The following SVOPL variants were observed in gnomAD, a reference collection of about 807,000 sequenced individuals.
SVOPL encodes the protein putative transporter SVOPL.
In SVOPL, 60 loss-of-function variants were observed where a neutral mutation model predicts 61.0. The observed-to-expected ratio is 0.98, with a 90% CI of 0.80 to 1.22. SVOPL has a LOEUF of 1.22. Ranked by LOEUF, SVOPL falls within the 50% of genes most tolerant of loss-of-function variation. The probability of loss-of-function intolerance (pLI) is 0.00; values close to 1 mark genes in which losing one functional copy is unlikely to be tolerated. For synonymous variants in SVOPL, 279 were observed against 250.0 expected (o/e 1.12, Z -1.09); for missense variants, 662 against 643.9 (o/e 1.03, Z -0.30).
At chr7:138,610,404 C>G (rs1798948836) in intron 14 of SVOPL, among the ~76,000 whole-genome samples, 2 of 151,510 alleles carry the variant, frequency 1.3e-5, no homozygotes, top group Non-Finnish European at 2.9e-5. Context: ...CATATTTATA[C>G]ACACACACAT....
At chr7:138,656,427 A>G (rs754068530) in intron 7 of SVOPL, 21 bp downstream of exon 7, 3 of 1,613,168 alleles carry the variant, frequency 1.9e-6, no homozygotes, top group South Asian at 1.1e-5. Context: ...AAAGGCAGGT[A>G]GAACTCCTAC....
At chr7:138,622,255 TATCTATCTATCTATGTATCTATC>T (rs1799691264) in intron 13 of SVOPL, among the ~76,000 whole-genome samples, 1 of 92,086 alleles carries the variant, frequency 1.1e-5, no homozygotes, top group African/African-American at 4.2e-5. Context: ...TCTATCTATG[TATCTATCTATCTATGTATCTATC>T]TATCTATCTA....
At chr7:138,659,387 G>A (rs188069385) in intron 6 of SVOPL, among the ~76,000 whole-genome samples, 14 of 152,164 alleles carry the variant, frequency 9.2e-5, no homozygotes, top group East Asian at 1.9e-4. Flanking sequence ...CAGCTACTTG[G>A]AGGCTGAGGC....
At chr7:138,602,715 C>T (rs1276362779) in intron 14 of SVOPL, among the ~76,000 whole-genome samples, 1 of 65,636 alleles carries the variant, frequency 1.5e-5, no homozygotes, top group Non-Finnish European at 2.7e-5. Flanking sequence ...CATAGGCACC[C>T]TCAACCCCAT....
rs996237519 is a variant in SVOPL at position 138,660,313 on chromosome 7, G to A, written c.346-325C>T. On this transcript the variant is annotated intron_variant, in intron 5 of 15. Coordinates refer to ENST00000674285, the MANE Select transcript of SVOPL (RefSeq NM_001139456.2). The stretch of plus-strand genomic sequence containing the variant: ...CTCACAGGGCTGCTGGGGACGTAAT[G>A]AGGCAGTATGTTGGGAGGAGTACAA... The A allele has an allele frequency of 6.6e-6, 7 of 1,061,814 alleles. No individual in the cohort carries two copies. In the African/African-American group the frequency reaches 6.7e-5, roughly 10 times the overall value. The allele number at this position is 1,061,814 out of a possible 1,614,324, so 65.8% of individuals were successfully genotyped here.
Position 138,659,900 on chromosome 7 carries a change from G to C in SVOPL, c.434C>G (p.Thr145Arg). 2.6e-6 allele frequency: 4 copies of C among 1,551,468 alleles called. No individual in the cohort carries two copies. The highest frequency in any genetic ancestry group is 3.5e-6 in the Non-Finnish European group (4 of 1,146,964). ...GCCGGACACACCACAGCCCACCATC[G>C]TCCGCAGGAAGACAAACCAGATGTA... ...PSYIWFVFLR[T>R]MVGCGVSGHS... Residue 145 changes from threonine to arginine, a missense_variant, in exon 6 of 16, where the codon ACG becomes AGG. Physicochemically the swap from Thr to Arg is moderately conservative, Grantham distance 71 (BLOSUM62 -1). Transcript: ENST00000674285.
intron 3 of SVOPL, among the ~76,000 whole-genome samples, chr7:138,674,252 C>A (rs770611103): frequency 6.6e-6 from 1 of 151,682 alleles, no homozygotes; most frequent in Non-Finnish European, 1.5e-5. Context: ...GAGTCCTGGT[C>A]ACAGGCTGAG....
chr7:138,669,348 C>T lies in SVOPL; in HGVS notation c.273+2671G>A, dbSNP rs371984410. 6.6e-5 allele frequency among the ~76,000 whole-genome samples: 10 copies of T among 152,044 alleles called. No individual in the cohort carries two copies. In the South Asian group the frequency reaches 1.9e-3, roughly 28 times the overall value. On this transcript the variant is annotated intron_variant, in intron 4 of 15. Transcript: ENST00000674285. ...ATTTGAGCCCAGGAGTTCAAAGCTGCGGTGAGCTATGATCGCACCACCACA... is the reference window on the plus strand; with the variant it reads ...ATTTGAGCCCAGGAGTTCAAAGCTGTGGTGAGCTATGATCGCACCACCACA...
chr7:138,621,163 G>T, intron 13 of SVOPL, 28 bp from the exon 14 acceptor site: 1 of 1,597,264 alleles, frequency 6.3e-7, no homozygotes. Context: ...GAAAGTACCA[G>T]TCAGATAATG....
chr7:138,626,369 G>A (rs1799894274), intron 12 of SVOPL, among the ~76,000 whole-genome samples: 1 of 152,138 alleles, frequency 6.6e-6, no homozygotes, highest in African/African-American at 2.4e-5. Context: ...CTTGAGGCCA[G>A]GAGTTCAAGA....
chr7:138,645,025 A>G (rs551704057), intron 8 of SVOPL, among the ~76,000 whole-genome samples, 180 bp from the exon 9 acceptor site: 1 of 152,224 alleles, frequency 6.6e-6, no homozygotes, highest in African/African-American at 2.4e-5. Context: ...GGAACAAAAA[A>G]GGTCATGTTC....
rs563357463 is a variant in SVOPL, at chr7:138,676,990, A to G, written c.174+1444T>C. On this transcript the variant is annotated intron_variant, in intron 3 of 15. Coordinates refer to ENST00000674285, the MANE Select transcript of SVOPL (RefSeq NM_001139456.2). ...ACTATCGCAGCTCACTGCAACCTCC[A>G]CCTCCCGGATTCACGCCATTCTCCT... Among the ~76,000 whole-genome samples the G allele has an allele frequency of 6.1e-5, 8 of 130,380 alleles. No individual in the cohort carries two copies. In the South Asian group the frequency reaches 7.3e-4, roughly 12 times the overall value. 85.5% of individuals were successfully genotyped at this position (130,380 alleles called of 152,430 possible). A position where few individuals can be genotyped will look rare whatever the true frequency, so the allele number is the denominator to read the frequency against.
intron 14 of SVOPL, among the ~76,000 whole-genome samples, chr7:138,608,684 G>T (rs1358381545): frequency 2.0e-5 from 3 of 151,222 alleles, no homozygotes; most frequent in African/African-American, 7.4e-5. Context: ...AATCAAAAGT[G>T]TACACTCCCC....
chr7:138,596,998 G>T (rs1179962420), intron 14 of SVOPL: 2 of 1,140,998 alleles, frequency 1.8e-6, no homozygotes. Flanking sequence ...GTCTCTGAAA[G>T]GATTGCTAAT....
At chr7:138,637,479 T>C (rs1481790825) in intron 9 of SVOPL, among the ~76,000 whole-genome samples, 1 of 17,028 alleles carries the variant, frequency 5.9e-5, no homozygotes, top group African/African-American at 1.4e-4. Context: ...GATATAGATA[T>C]AGATATAGAT....
intron 1 of SVOPL, among the ~76,000 whole-genome samples, chr7:138,686,703 T>C (rs905393716): frequency 5.3e-5 from 8 of 151,406 alleles, no homozygotes; most frequent in Non-Finnish European, 1.2e-4. Context: ...GTAGCATGCC[T>C]GTAATCATGC....
At chr7:138,690,381 G>T (rs1584871158) in intron 1 of SVOPL, among the ~76,000 whole-genome samples, 1 of 152,174 alleles carries the variant, frequency 6.6e-6, no homozygotes, top group Non-Finnish European at 1.5e-5. Context: ...GGAGCCAAAA[G>T]TAGGAATGGT....
chr7:138,627,770 G>A (rs1799958262), intron 11 of SVOPL, among the ~76,000 whole-genome samples: 2 of 152,036 alleles, frequency 1.3e-5, no homozygotes, highest in Non-Finnish European at 2.9e-5. Context: ...CAAATTCAAG[G>A]TGCCATTGAT....
chr7:138,643,470 G>C (rs915913967), intron 9 of SVOPL, among the ~76,000 whole-genome samples: 1 of 151,252 alleles, frequency 6.6e-6, no homozygotes, highest in Non-Finnish European at 1.5e-5. Flanking sequence ...GAGCTACCTG[G>C]TCACCCGTGT....
Sources: allele counts gnomAD v4.1 joint callset (sites outside exome capture counted in the v4.1 genomes callset), GRCh38; gene constraint gnomAD v4.1.1; transcripts MANE v1.5; gene names NCBI Gene and HGNC (gene_info 2026-07-23, HGNC 2026-07-21).